FBLN5: variants seen among roughly 807,000 people sequenced by gnomAD.
The protein encoded by FBLN5 is fibulin 5.
Under a neutral mutation model 61.6 loss-of-function variants are expected in FBLN5, and 24 were observed. The ratio of observed to expected loss-of-function variants is 0.39; its 90% CI spans 0.28 to 0.55. FBLN5 has a LOEUF of 0.55. Ranked by LOEUF, FBLN5 falls within the 20% of genes least tolerant of loss-of-function variation. The probability of loss-of-function intolerance (pLI) is 0.65; values close to 1 mark genes in which losing one functional copy is unlikely to be tolerated. For missense variants in FBLN5, 470 were observed against 594.1 expected (o/e 0.79, Z 2.17); for synonymous variants, 213 against 219.8 (o/e 0.97, Z 0.27).
At chr14:91,921,328 A>C (rs577533651) in intron 4 of FBLN5, among the ~76,000 whole-genome samples, 1 of 152,364 alleles carries the variant, frequency 6.6e-6, no homozygotes, top group Admixed American at 6.5e-5. Context: ...AAGAGGTTCC[A>C]GCTGAGCCTT....
rs45557237 is a variant in FBLN5 at position 91,873,747 on chromosome 14, C to A, written c.1186-3362G>T. On this transcript the variant is annotated intron_variant, in intron 10 of 10. Transcript: ENST00000342058. ...GACCACGCTGGGAGTCGGCTGCCAA[C>A]AGCCCACCAGCTGTGTGTCTTCTTG... 5.7e-3 allele frequency: 871 copies of A among 152,412 alleles called. 4 individuals are homozygous for A. The highest frequency in any genetic ancestry group is 9.5e-3 in the Non-Finnish European group (647 of 68,070). 9.4% of individuals were successfully genotyped at this position (152,412 alleles called of 1,614,324 possible).
At chr14:91,908,095 A>G (rs1254882656) in intron 4 of FBLN5, among the ~76,000 whole-genome samples, 1 of 152,300 alleles carries the variant, frequency 6.6e-6, no homozygotes, top group African/African-American at 2.4e-5. Flanking sequence ...TTTTCCAATC[A>G]GTGTTAGCAG....
chr14:91,930,833 A>C (rs772509902), intron 4 of FBLN5, among the ~76,000 whole-genome samples: 3 of 152,196 alleles, frequency 2.0e-5, no homozygotes, highest in Non-Finnish European at 4.4e-5. Flanking sequence ...AAGCCACATC[A>C]GGCTTAGCTG....
intron 2 of FBLN5, among the ~76,000 whole-genome samples, chr14:91,941,248 A>T (rs533989573): frequency 6.6e-6 from 1 of 152,238 alleles, no homozygotes; most frequent in Non-Finnish European, 1.5e-5. Context: ...AGATGTGGTC[A>T]GTTTTCTAAG....
At chr14:91,946,477 GGTC>G (rs2056185823) in intron 1 of FBLN5, among the ~76,000 whole-genome samples, 1 of 151,760 alleles carries the variant, frequency 6.6e-6, no homozygotes, top group Non-Finnish European at 1.5e-5. Flanking sequence ...CAGAAGTGCT[GGTC>G]CCCAATCCAG....
intron 4 of FBLN5, among the ~76,000 whole-genome samples, chr14:91,926,678 G>A (rs1462664460): frequency 1.3e-5 from 2 of 152,126 alleles, no homozygotes; most frequent in African/African-American, 4.8e-5. Context: ...ACAAGCACCT[G>A]CCACGTGTCT....
At chr14:91,937,342 C>T in intron 3 of FBLN5, 141 bp from the exon 4 acceptor site, 1 of 1,055,382 alleles carries the variant, frequency 9.5e-7, no homozygotes, top group Non-Finnish European at 1.4e-6. Flanking sequence ...CGGTAAGGTA[C>T]CCCAAATGTT....
intron 7 of FBLN5, 103 bp from the exon 8 acceptor site, chr14:91,883,179 A>G (rs888382286): frequency 8.2e-6 from 11 of 1,340,340 alleles, no homozygotes; most frequent in Non-Finnish European, 1.2e-5. Context: ...GATACATACA[A>G]TGGCTTTACT....
chr14:91,925,832 C>T (rs2055818598), intron 4 of FBLN5, among the ~76,000 whole-genome samples: 1 of 152,224 alleles, frequency 6.6e-6, no homozygotes. Flanking sequence ...GGGTGCAGGA[C>T]AGCCACAGCG....
At chr14:91,933,284 TA>T (rs1298754912) in intron 4 of FBLN5, among the ~76,000 whole-genome samples, 1 of 152,184 alleles carries the variant, frequency 6.6e-6, no homozygotes, top group African/African-American at 2.4e-5. Flanking sequence ...TTTAATTTTT[TA>T]TTTTTTTGAG....
intron 5 of FBLN5, among the ~76,000 whole-genome samples, chr14:91,894,370 T>C (rs1890119562): frequency 8.6e-6 from 1 of 115,832 alleles, no homozygotes; most frequent in Non-Finnish European, 1.6e-5. Context: ...GCCACTGCAC[T>C]CCAGCCTGGG....
At chr14:91,876,838 G>A (rs1322539298) in intron 10 of FBLN5, among the ~76,000 whole-genome samples, 1 of 152,126 alleles carries the variant, frequency 6.6e-6, no homozygotes, top group Non-Finnish European at 1.5e-5. Flanking sequence ...AGTTTTTATT[G>A]TTTTTCAGAG....
intron 2 of FBLN5, 48 bp from the exon 3 acceptor site, chr14:91,940,664 A>G (rs766835180): frequency 1.8e-5 from 28 of 1,545,018 alleles, no homozygotes; most frequent in Non-Finnish European, 2.4e-5. Context: ...TTCACACCAT[A>G]AAAGTCTTAT....
chr14:91,942,599 A>G lies in FBLN5; in HGVS notation c.72+308T>C, dbSNP rs139320827. 0.024 allele frequency among the ~76,000 whole-genome samples: 3,653 copies of G among 152,356 alleles called. 60 individuals are homozygous for G. The highest frequency in any genetic ancestry group is 0.039 in the Non-Finnish European group (2,674 of 68,024). On this transcript the variant is annotated intron_variant, in intron 2 of 10. Coordinates refer to ENST00000342058, the MANE Select transcript of FBLN5 (RefSeq NM_006329.4). The stretch of plus-strand genomic sequence containing the variant: ...AAACCACCATGGCCCACATTTACCT[A>G]TGTAACAAACCTGCACATCCTGCAC...
At chr14:91,930,406 C>G (rs2268002) in intron 4 of FBLN5, among the ~76,000 whole-genome samples, 26,173 of 152,110 alleles carry the variant, frequency 0.17, 2,478 homozygotes, top group South Asian at 0.28. Context: ...TTGCTGGGGC[C>G]AATTCACAAA....
intron 4 of FBLN5, among the ~76,000 whole-genome samples, chr14:91,917,597 A>AAAAG (rs1566819141): frequency 5.3e-4 from 79 of 150,252 alleles, no homozygotes; most frequent in South Asian, 1.7e-3. Context: ...AAAAAAAAAA[A>AAAAG]AAAGAAAGAA....
chr14:91,927,026 A>G (rs1020873328), intron 4 of FBLN5, among the ~76,000 whole-genome samples: 2 of 152,122 alleles, frequency 1.3e-5, no homozygotes, highest in African/African-American at 2.4e-5. Context: ...CACACTCTCT[A>G]CCACTAGTGC....
At chr14:91,899,090 C>T (rs900228979) in intron 4 of FBLN5, among the ~76,000 whole-genome samples, 1 of 152,134 alleles carries the variant, frequency 6.6e-6, no homozygotes, top group African/African-American at 2.4e-5. Flanking sequence ...GCATAAGCCA[C>T]CGTGCCCGGC....
chr14:91,912,069 A>T (rs1462394492), intron 4 of FBLN5, among the ~76,000 whole-genome samples: 2 of 152,280 alleles, frequency 1.3e-5, no homozygotes, highest in African/African-American at 2.4e-5. Context: ...AAACATTGTT[A>T]TAAATGTTGT....
Sources: gnomAD v4.1 joint callset for allele counts (sites outside exome capture counted in the v4.1 genomes callset) on GRCh38, gnomAD v4.1.1 for gene constraint, MANE v1.5 for transcripts, NCBI Gene and HGNC (gene_info 2026-07-23, HGNC 2026-07-21) for gene names.